Variants in NAA25 observed in about 807,000 individuals in gnomAD.
The protein encoded by NAA25 is N-alpha-acetyltransferase 25, NatB auxiliary subunit.
In NAA25, 30 loss-of-function variants were observed where a neutral mutation model predicts 132.5. The observed-to-expected ratio is 0.23, with a 90% CI of 0.17 to 0.31. NAA25 has a LOEUF of 0.31. Ranked by LOEUF, NAA25 falls within the 10% of genes least tolerant of loss-of-function variation. The pLI is 1.00. For synonymous variants in NAA25, 359 were observed against 401.9 expected, an observed-to-expected ratio of 0.89 and a Z score of 1.28; for missense variants, 771 against 1,150.4, an observed-to-expected ratio of 0.67 and a Z score of 4.77.
chr12:112,074,592 G>T (rs1018675466), intron 9 of NAA25, 83 bp downstream of exon 9: 1 of 716,956 alleles, frequency 1.4e-6, no homozygotes. Flanking sequence ...CAGAAAAAGA[G>T]AATTCAATTG....
intron 1 of NAA25, among the ~76,000 whole-genome samples, chr12:112,108,497 G>C (rs1160068382): frequency 6.6e-6 from 1 of 152,118 alleles, no homozygotes; most frequent in Admixed American, 6.5e-5. Context: ...CTGCCGACCA[G>C]CTGCTGCCCA....
chr12:112,053,932 A>G (rs2078506659), intron 14 of NAA25, among the ~76,000 whole-genome samples: 1 of 152,132 alleles, frequency 6.6e-6, no homozygotes, highest in Admixed American at 6.6e-5. Context: ...AAAAGTTCTA[A>G]CAGAACATAA....
Position 112,101,475 on chromosome 12 carries a change from GGCCGGGTGCGGTGGCTCAT to G in NAA25, c.58+7222_58+7240del, listed in dbSNP as rs548861115. On this transcript the variant is annotated intron_variant, in intron 1 of 23. Coordinates refer to ENST00000261745, the MANE Select transcript of NAA25 (RefSeq NM_024953.4). The stretch of plus-strand genomic sequence containing the variant: ...AAAGATATATATATAAGATAATACA[GGCCGGGTGCGGTGGCTCAT>G]GCCTGTAATCCCAACAGTTTGGGAG... Among the ~76,000 whole-genome samples the G allele has an allele frequency of 3.9e-4, 59 of 152,246 alleles. No individual in the cohort carries two copies. The East Asian group carries it at 0.011, about 29-fold the overall frequency.
intron 1 of NAA25, among the ~76,000 whole-genome samples, chr12:112,096,658 A>T (rs2079216800): frequency 6.6e-6 from 1 of 152,210 alleles, no homozygotes; most frequent in African/African-American, 2.4e-5. Context: ...CTAAATACCT[A>T]AACATCTAAT....
chr12:112,041,159 A>G (rs1166355845), intron 20 of NAA25, among the ~76,000 whole-genome samples: 1 of 148,898 alleles, frequency 6.7e-6, no homozygotes, highest in East Asian at 2.0e-4. Context: ...CTTGGGGGGA[A>G]AAAAAAAATC....
chr12:112,087,573 A>G (rs1311746862), intron 4 of NAA25, 110 bp downstream of exon 4: 3 of 704,028 alleles, frequency 4.3e-6, no homozygotes, highest in Non-Finnish European at 7.3e-6. Flanking sequence ...AGAAAAATCC[A>G]TAAATTCAAT....
intron 1 of NAA25, among the ~76,000 whole-genome samples, chr12:112,100,821 G>A (rs1320867164): frequency 3.3e-5 from 5 of 150,068 alleles, no homozygotes; most frequent in South Asian, 2.1e-4. Flanking sequence ...GGGTTTCACC[G>A]TGTTACCAGG....
In NAA25 at chr12:112,039,220, T is replaced by C; in HGVS notation, c.2649+9A>G. The stretch of plus-strand genomic sequence containing the variant: ...GTTCCTTGTATATCACTTGTGTTAC[T>C]GTTATTACCATGATGATGCTGGTTT... On this transcript the variant is annotated intron_variant, in intron 22 of 23. Transcript: ENST00000261745. The C allele has an allele frequency of 6.7e-7, 1 of 1,497,648 alleles. No homozygotes were observed. Among genetic ancestry groups the C allele is most frequent in the Non-Finnish European group, 9.2e-7 (1 of 1,088,876 alleles). 92.8% of individuals were successfully genotyped at this position (1,497,648 alleles called of 1,614,324 possible).
At chr12:112,096,438 G>T (rs1282740039) in intron 1 of NAA25, among the ~76,000 whole-genome samples, 1 of 152,174 alleles carries the variant, frequency 6.6e-6, no homozygotes, top group Non-Finnish European at 1.5e-5. Flanking sequence ...AAATTTTTCT[G>T]CAATTAACAC....
chr12:112,072,053 C>T lies in NAA25; in HGVS notation c.878G>A (p.Gly293Glu). ...PPAEGEHSLE[G>E]EVHYSAEKAV... is the part of the protein sequence containing the mutation. ...TTTTTCTGCAGAATAATGTACTTCT[C>T]CTTCTAAAGAGCTGAGGAAAAGCAC... The change falls in exon 10 of 24, where the codon GGA (glycine) becomes GAA (glutamate). Residue 293 changes from glycine to glutamate, a missense_variant. Physicochemically the swap from Gly to Glu is moderately conservative, Grantham distance 98. Around this residue, in one of 3 missense-constraint regions of NAA25, gnomAD observed 417 missense variants for 733.8 expected, o/e 0.57. Coordinates refer to ENST00000261745, the MANE Select transcript of NAA25 (RefSeq NM_024953.4). 1 of 1,612,364 alleles carries T rather than the reference C, an allele frequency of 6.2e-7. No individual in the cohort carries two copies. The highest frequency in any genetic ancestry group is 8.5e-7 in the Non-Finnish European group (1 of 1,179,266).
chr12:112,077,330 G>A (rs2078907860), intron 7 of NAA25, among the ~76,000 whole-genome samples: 2 of 151,742 alleles, frequency 1.3e-5, no homozygotes, highest in South Asian at 4.2e-4. Context: ...AAAATTAGCT[G>A]GGCGTGGTGG....
At chr12:112,041,163 A>G (rs1195649870) in intron 20 of NAA25, among the ~76,000 whole-genome samples, 5 of 151,716 alleles carry the variant, frequency 3.3e-5, no homozygotes, top group Non-Finnish European at 7.4e-5. Flanking sequence ...GGGGGAAAAA[A>G]AAAATCATTT....
At chr12:112,066,118 G>T (rs966965276) in intron 11 of NAA25, among the ~76,000 whole-genome samples, 1 of 152,158 alleles carries the variant, frequency 6.6e-6, no homozygotes, top group Admixed American at 6.5e-5. Flanking sequence ...CACATGAGAT[G>T]ACCTAAGATT....
intron 11 of NAA25, among the ~76,000 whole-genome samples, chr12:112,067,149 AG>A (rs1486162728): frequency 6.6e-6 from 1 of 152,126 alleles, no homozygotes; most frequent in Admixed American, 6.6e-5. Context: ...CAGAGAGCAG[AG>A]ATCGCGCCAA....
At chr12:112,099,230 C>T (rs2079257688) in intron 1 of NAA25, among the ~76,000 whole-genome samples, 1 of 151,720 alleles carries the variant, frequency 6.6e-6, no homozygotes, top group Admixed American at 6.6e-5. Flanking sequence ...CCTCGTGATC[C>T]GTCTGCCTCG....
chr12:112,080,951 G>T (rs1394041525), intron 5 of NAA25, 109 bp downstream of exon 5: 10 of 906,290 alleles, frequency 1.1e-5, no homozygotes, highest in Non-Finnish European at 1.8e-5. Flanking sequence ...CTGGGTGACA[G>T]CGTGACCCTG....
chr12:112,057,252 T>C (rs1056452090), intron 13 of NAA25, among the ~76,000 whole-genome samples: 1 of 152,204 alleles, frequency 6.6e-6, no homozygotes, highest in Non-Finnish European at 1.5e-5. Flanking sequence ...GTTTAATTTG[T>C]GTAAAGTACT....
intron 1 of NAA25, among the ~76,000 whole-genome samples, chr12:112,093,337 C>T (rs1481828383): frequency 6.6e-5 from 10 of 151,736 alleles, no homozygotes; most frequent in Non-Finnish European, 1.2e-4. Context: ...GCCAGGAGTT[C>T]GAGACCAGCC....
intron 15 of NAA25, among the ~76,000 whole-genome samples, chr12:112,051,282 G>A (rs1433424111): frequency 6.6e-6 from 1 of 152,078 alleles, no homozygotes; most frequent in Non-Finnish European, 1.5e-5. Context: ...GGTACAATCA[G>A]CTCACTGCAA....
Sources: allele counts gnomAD v4.1 joint callset (sites outside exome capture counted in the v4.1 genomes callset), GRCh38; gene constraint gnomAD v4.1.1; regional missense constraint gnomAD v4.1.1; transcripts MANE v1.5; gene names NCBI Gene and HGNC (gene_info 2026-07-23, HGNC 2026-07-21).